Variants in BCL7A observed in about 807,000 individuals in gnomAD.
BCL7A encodes BAF chromatin remodeling complex subunit BCL7A.
Under a neutral mutation model 28.4 loss-of-function variants are expected in BCL7A, and 11 were observed. The ratio of observed to expected loss-of-function variants is 0.39; its 90% CI spans 0.24 to 0.64. The LOEUF (loss-of-function observed/expected upper bound fraction) is 0.64, where lower values mean the gene tolerates loss of function less well. BCL7A is among the 30% of genes least tolerant of loss of function. The pLI, the probability that BCL7A is intolerant of heterozygous loss-of-function variation, is 0.50. For missense variants in BCL7A, 222 were observed against 274.8 expected (o/e 0.81, Z 1.36); for synonymous variants, 123 against 103.3 (o/e 1.19, Z -1.15).
At chr12:122,023,733 A>G (rs2135835014) in intron 1 of BCL7A, among the ~76,000 whole-genome samples, 1 of 152,262 alleles carries the variant, frequency 6.6e-6, no homozygotes, top group South Asian at 2.1e-4. Context: ...GCCATTTAAA[A>G]ATGGCAGAAA....
chr12:122,046,272 GGGGAGGGCAGGCCA>G (rs376641984), intron 4 of BCL7A, among the ~76,000 whole-genome samples: 212 of 152,202 alleles, frequency 1.4e-3, no homozygotes, highest in Middle Eastern at 0.01. Context: ...GAGCGGGTCT[GGGGAGGGCAGGCCA>G]GGTCTGGAGC....
At chr12:122,047,571 C>G (rs1884103252) in intron 4 of BCL7A, among the ~76,000 whole-genome samples, 2 of 152,062 alleles carry the variant, frequency 1.3e-5, no homozygotes, top group Admixed American at 1.3e-4. Flanking sequence ...GTTGCCCAGG[C>G]TGGAGTGCAG....
chr12:122,059,248 C>A lies in BCL7A; in HGVS notation c.*85C>A. The A allele has an allele frequency of 7.6e-7, 1 of 1,314,456 alleles. No homozygotes were observed. Among genetic ancestry groups the A allele is most frequent in the Non-Finnish European group, 1.1e-6 (1 of 918,170 alleles). The allele number at this position is 1,314,456 out of a possible 1,614,324, so 81.4% of individuals were successfully genotyped here. ...GAGCAACTTTGCCCCAGCGATTCCT[C>A]TTGGGTGCGAACAGAACTACTAACG... On this transcript the variant is annotated 3_prime_UTR_variant, in exon 6 of 6. Coordinates refer to ENST00000261822, the MANE Select transcript of BCL7A (RefSeq NM_001024808.3). This position sits in a 1 kb window ranked among gnomAD's most constrained non-coding sequence, Gnocchi z 4.0.
chr12:122,058,664 A>G (rs1951894942), intron 5 of BCL7A, among the ~76,000 whole-genome samples: 1 of 152,202 alleles, frequency 6.6e-6, no homozygotes, highest in Admixed American at 6.5e-5. Context: ...TCTCAACAAC[A>G]AAAACAAGAA....
chr12:122,027,796 C>T (rs146351480), intron 1 of BCL7A, among the ~76,000 whole-genome samples: 4,984 of 141,224 alleles, frequency 0.035, 119 homozygotes, highest in Non-Finnish European at 0.054. Context: ...GAGATTGTGC[C>T]ACTGCACTCC....
intron 4 of BCL7A, among the ~76,000 whole-genome samples, chr12:122,049,366 G>A (rs1373758980): frequency 2.0e-5 from 3 of 151,936 alleles, no homozygotes; most frequent in Non-Finnish European, 4.4e-5. Flanking sequence ...TCGCTCAATG[G>A]GATAAGCAAT....
intron 1 of BCL7A, among the ~76,000 whole-genome samples, chr12:122,025,322 A>G (rs534879716): frequency 1.3e-5 from 2 of 151,524 alleles, no homozygotes; most frequent in African/African-American, 4.8e-5. Flanking sequence ...TCAAACCAAA[A>G]AAAAAGAAAA....
At chr12:122,024,031 C>G (rs1883549133) in intron 1 of BCL7A, among the ~76,000 whole-genome samples, 1 of 152,222 alleles carries the variant, frequency 6.6e-6, no homozygotes, top group East Asian at 1.9e-4. Context: ...CGGCCAGCTG[C>G]TCTGCAGGGA....
chr12:122,044,843 ATAAATTT>A (rs2135853034), intron 4 of BCL7A, among the ~76,000 whole-genome samples: 1 of 152,324 alleles, frequency 6.6e-6, no homozygotes, highest in South Asian at 2.1e-4. Context: ...AATTATATTA[ATAAATTT>A]TAAATGTATT....
At chr12:122,035,959 G>A (rs4522210) in intron 3 of BCL7A, among the ~76,000 whole-genome samples, 1 of 152,090 alleles carries the variant, frequency 6.6e-6, no homozygotes, top group East Asian at 1.9e-4. Context: ...TCCTGCCTCA[G>A]CCTCCCAAGC....
chr12:122,059,232 T>C lies in BCL7A; in HGVS notation c.*69T>C, dbSNP rs773315385. ...TCAGCAATTAATTCTAGAGCAACTT[T>C]GCCCCAGCGATTCCTCTTGGGTGCG... On this transcript the variant is annotated 3_prime_UTR_variant, in exon 6 of 6. Transcript: ENST00000261822. The surrounding 1 kb of genome is among the most constrained non-coding windows in gnomAD (Gnocchi z 4.0). 142 of 1,456,876 alleles carry C rather than the reference T, an allele frequency of 9.7e-5. No homozygotes were observed. Among genetic ancestry groups the C allele is most frequent in the Non-Finnish European group, 1.3e-4 (135 of 1,041,502 alleles). 90.2% of individuals were successfully genotyped at this position (1,456,876 alleles called of 1,614,324 possible). A position where few individuals can be genotyped will look rare whatever the true frequency, so the allele number is the denominator to read the frequency against.
Position 122,061,007 on chromosome 12 carries a change from C to A in BCL7A, c.*1844C>A. On this transcript the variant is annotated 3_prime_UTR_variant, in exon 6 of 6. Coordinates refer to ENST00000261822, the MANE Select transcript of BCL7A (RefSeq NM_001024808.3). Reference sequence around the variant, plus strand: ...TTATCAATTTTGCCCCTTAGGCAGTCAGTTTTGTTGAGAACTGTGTCCTGC... The same window carrying A: ...TTATCAATTTTGCCCCTTAGGCAGTAAGTTTTGTTGAGAACTGTGTCCTGC... 4.4e-6 allele frequency: 1 copy of A among 226,442 alleles called. No individual in the cohort carries two copies. The highest frequency in any genetic ancestry group is 8.8e-6 in the Non-Finnish European group (1 of 113,606). 14.0% of individuals were successfully genotyped at this position (226,442 alleles called of 1,614,324 possible). A position where few individuals can be genotyped will look rare whatever the true frequency, so the allele number is the denominator to read the frequency against.
At chr12:122,030,999 G>A (rs577052895) in intron 2 of BCL7A, among the ~76,000 whole-genome samples, 1 of 152,054 alleles carries the variant, frequency 6.6e-6, no homozygotes, top group South Asian at 2.1e-4. Context: ...GGTGGACGGG[G>A]GGATCCCGCA....
chr12:122,055,945 G>T (rs1250419725), intron 5 of BCL7A, among the ~76,000 whole-genome samples: 1 of 152,158 alleles, frequency 6.6e-6, no homozygotes, highest in Non-Finnish European at 1.5e-5. Flanking sequence ...CCTTTGATTG[G>T]CAGGTCCCTT....
chr12:122,024,650 G>A (rs970201844), intron 1 of BCL7A, among the ~76,000 whole-genome samples: 11 of 152,008 alleles, frequency 7.2e-5, no homozygotes, highest in Admixed American at 1.3e-4. Context: ...CTGGTGGGGG[G>A]GTGGGGTTGC....
intron 1 of BCL7A, among the ~76,000 whole-genome samples, chr12:122,028,633 C>T (rs1032468620): frequency 6.6e-6 from 1 of 152,086 alleles, no homozygotes; most frequent in African/African-American, 2.4e-5. Context: ...GGGTCCGAGC[C>T]CAAATCTAAT....
intron 2 of BCL7A, among the ~76,000 whole-genome samples, chr12:122,033,161 A>G (rs772221713): frequency 6.7e-6 from 1 of 149,774 alleles, no homozygotes; most frequent in South Asian, 2.1e-4. Context: ...TTTTTAAGAG[A>G]CAGGGTCTCT....
At chr12:122,052,804 TC>T (rs1158143217) in intron 4 of BCL7A, among the ~76,000 whole-genome samples, 1 of 137,634 alleles carries the variant, frequency 7.3e-6, no homozygotes, top group African/African-American at 2.6e-5. Flanking sequence ...TGCCTCAGCC[TC>T]CCAAGTAGCT....
intron 1 of BCL7A, among the ~76,000 whole-genome samples, chr12:122,024,462 GTT>G (rs59459424): frequency 1.1e-3 from 96 of 88,720 alleles, no homozygotes; most frequent in South Asian, 3.1e-3. Context: ...GAGGTTTTTT[GTT>G]TTTTTTTTTT....
Sources: gnomAD v4.1 joint callset for allele counts (sites outside exome capture counted in the v4.1 genomes callset) on GRCh38, gnomAD v4.1.1 for gene constraint, Gnocchi (gnomAD v3.1) non-coding constraint, MANE v1.5 for transcripts, NCBI Gene and HGNC (gene_info 2026-07-23, HGNC 2026-07-21) for gene names.